The following COMT variants were observed in gnomAD, a reference collection of about 807,000 sequenced individuals.
COMT encodes catechol-O-methyltransferase, also known as catechol O-methyltransferase.
A neutral mutation model predicts 18.9 loss-of-function variants in COMT; 13 were observed. The observed-to-expected ratio is 0.69, with a 90% CI of 0.45 to 1.09. COMT has a LOEUF of 1.09. Ranked by LOEUF, COMT falls within the 50% of genes least tolerant of loss-of-function variation. COMT has a pLI of 0.00. For missense variants in COMT, 329 were observed against 361.8 expected, an observed-to-expected ratio of 0.91 and a Z score of 0.73; for synonymous variants, 150 against 160.9, an observed-to-expected ratio of 0.93 and a Z score of 0.51.
chr22:19,945,088 T>C (rs1941814690), intron 1 of COMT, among the ~76,000 whole-genome samples: 1 of 152,202 alleles, frequency 6.6e-6, no homozygotes, highest in Non-Finnish European at 1.5e-5. Context: ...GCTGAAACTT[T>C]TAATAGGGAA....
chr22:19,954,804 C>T (rs1474651053), intron 1 of COMT, among the ~76,000 whole-genome samples: 6 of 152,176 alleles, frequency 3.9e-5, no homozygotes, highest in East Asian at 3.8e-4. Context: ...GTAGGCCCCT[C>T]GCAGGGTGCC....
chr22:19,964,144 G>T, intron 4 of COMT, 24 bp from the exon 5 acceptor site: 1 of 1,613,942 alleles, frequency 6.2e-7, no homozygotes, highest in Non-Finnish European at 8.5e-7. Context: ...GTGAGGACGT[G>T]GGCACTGACA....
chr22:19,952,375 C>T (rs1371517948), intron 1 of COMT, among the ~76,000 whole-genome samples: 2 of 150,928 alleles, frequency 1.3e-5, no homozygotes, highest in African/African-American at 2.4e-5. Context: ...TGCGGTGGCT[C>T]ATGCCTGTAA....
At chr22:19,960,136 C>T (rs1342418578) in intron 1 of COMT, among the ~76,000 whole-genome samples, 1 of 152,230 alleles carries the variant, frequency 6.6e-6, no homozygotes, top group Non-Finnish European at 1.5e-5. Flanking sequence ...AAGCCAAATT[C>T]TTACACAATT....
intron 1 of COMT, among the ~76,000 whole-genome samples, chr22:19,948,954 C>CATA (rs1941884103): frequency 1.2e-5 from 1 of 86,864 alleles, no homozygotes; most frequent in Non-Finnish European, 2.3e-5. Context: ...GACTCTGTCT[C>CATA]AAAAAAAAAA....
chr22:19,964,059 G>C (rs1942273247), intron 4 of COMT, 109 bp from the exon 5 acceptor site: 1 of 1,601,482 alleles, frequency 6.2e-7, no homozygotes, highest in South Asian at 1.1e-5. Flanking sequence ...GGTGTGTAAA[G>C]ATGGCCTCCT....
Position 19,969,842 on chromosome 22 carries a change from C to T in COMT, c.*1106C>T. ...CTGCCCCAGACGCGCAGAGGCCCGA[C>T]ACAAGGGAGAAGCCAGCCACTTGTG... On this transcript the variant is annotated 3_prime_UTR_variant, in exon 6 of 6. Coordinates refer to ENST00000361682, the MANE Select transcript of COMT (RefSeq NM_000754.4). The T allele has an allele frequency of 1.0e-6, 1 of 985,488 alleles. No individual in the cohort carries two copies. Among genetic ancestry groups the T allele is most frequent in the Non-Finnish European group, 1.2e-6 (1 of 829,940 alleles). The allele number at this position is 985,488 out of a possible 1,614,324, so 61.0% of individuals were successfully genotyped here.
Position 19,956,370 on chromosome 22 carries a change from C to CT in COMT, c.-91-4805dup, listed in dbSNP as rs361698. Among the ~76,000 whole-genome samples, 428 of 47,356 alleles carry CT rather than the reference C, an allele frequency of 9.0e-3. 42 individuals carry two copies. Among genetic ancestry groups the CT allele is most frequent in the African/African-American group, 0.013 (137 of 10,682 alleles). The allele number at this position is 47,356 out of a possible 152,430, so 31.1% of individuals were successfully genotyped here. A position where few individuals can be genotyped will look rare whatever the true frequency, so the allele number is the denominator to read the frequency against. ...GTTGGCCAGGATGGTCTTGAGCTCT[C>CT]TTTTTTTTTTTTTTTTTTTTTTTTG... On this transcript the variant is annotated intron_variant, in intron 1 of 5. Transcript: ENST00000361682.
chr22:19,948,829 C>T (rs1379134350), intron 1 of COMT, among the ~76,000 whole-genome samples: 2 of 151,828 alleles, frequency 1.3e-5, no homozygotes, highest in African/African-American at 4.8e-5. Context: ...GTGCCATGTG[C>T]CTGTGGTCCC....
chr22:19,956,370 C>CTCTTT (rs1569129509), intron 1 of COMT, among the ~76,000 whole-genome samples: 1 of 47,348 alleles, frequency 2.1e-5, no homozygotes, highest in Non-Finnish European at 3.9e-5. Flanking sequence ...CTTGAGCTCT[C>CTCTTT]TTTTTTTTTT....
At chr22:19,964,093 C>T (rs745747865) in intron 4 of COMT, 75 bp from the exon 5 acceptor site, 1 of 1,613,042 alleles carries the variant, frequency 6.2e-7, no homozygotes, top group Non-Finnish European at 8.5e-7. Flanking sequence ...TGGGCACTGA[C>T]AGGCGCTGTT....
intron 1 of COMT, 24 bp downstream of exon 1, chr22:19,941,921 G>T (rs1241798197): frequency 6.6e-6 from 7 of 1,059,102 alleles, no homozygotes; most frequent in Non-Finnish European, 8.7e-6. Flanking sequence ...CTAGACCGGG[G>T]CCGAATGCGG....
intron 1 of COMT, among the ~76,000 whole-genome samples, chr22:19,947,068 A>G (rs1019711457): frequency 6.6e-6 from 1 of 151,954 alleles, no homozygotes; most frequent in Non-Finnish European, 1.5e-5. Context: ...GGTGTGCACC[A>G]TCACACCCAG....
chr22:19,954,334 C>T (rs1942014982), intron 1 of COMT, among the ~76,000 whole-genome samples: 1 of 152,170 alleles, frequency 6.6e-6, no homozygotes, highest in African/African-American at 2.4e-5. Flanking sequence ...CATTCTGACC[C>T]CTTCCCTTCC....
At position 19,962,683 on chromosome 22, in the gene COMT, G is replaced by A; in HGVS notation, c.157G>A (p.Asp53Asn). Residue 53 changes from aspartate (D) to asparagine (N), a missense_variant, in exon 3 of 6, where the codon GAC becomes AAC. By Grantham distance (23) the Asp-to-Asn change is conservative. Coordinates refer to ENST00000361682, the MANE Select transcript of COMT (RefSeq NM_000754.4). The stretch of plus-strand genomic sequence containing the variant: ...GCCCATCCACAACCTGCTCATGGGT[G>A]ACACCAAGGAGCAGCGCATCCTGAA... ...LQPIHNLLMG[D>N]TKEQRILNHV... 1.2e-6 allele frequency: 2 copies of A among 1,613,458 alleles called. No individual in the cohort carries two copies. Among genetic ancestry groups the A allele is most frequent in the Non-Finnish European group, 1.7e-6 (2 of 1,179,950 alleles).
intron 5 of COMT, chr22:19,964,832 G>A (rs568047540): frequency 2.8e-4 from 83 of 300,336 alleles, no homozygotes; most frequent in African/African-American, 1.7e-3. Context: ...TCCCTGGGGG[G>A]CGTGGGGCAC....
At chr22:19,968,188 G>A (rs772277151) in intron 5 of COMT, among the ~76,000 whole-genome samples, 7 of 152,182 alleles carry the variant, frequency 4.6e-5, no homozygotes, top group Non-Finnish European at 8.8e-5. Context: ...CTGAGTTCCT[G>A]GCACTGGGTG....
chr22:19,954,531 C>A (rs1942019017), intron 1 of COMT, among the ~76,000 whole-genome samples: 1 of 152,200 alleles, frequency 6.6e-6, no homozygotes. Flanking sequence ...CGGCTCACTG[C>A]AACCTCCACC....
At chr22:19,963,399 G>GTGAA in intron 3 of COMT, 167 bp from the exon 4 acceptor site, 1 of 761,192 alleles carries the variant, frequency 1.3e-6, no homozygotes, top group Non-Finnish European at 2.2e-6. Flanking sequence ...CACCAGGGAG[G>GTGAA]TGAAATACCC....
Sources: gnomAD v4.1 joint callset for allele counts (sites outside exome capture counted in the v4.1 genomes callset) on GRCh38, gnomAD v4.1.1 for gene constraint, MANE v1.5 for transcripts, NCBI Gene and HGNC (gene_info 2026-07-23, HGNC 2026-07-21) for gene names.